CNNM2: variants seen among roughly 807,000 people sequenced by gnomAD.
CNNM2 encodes the protein metal transporter CNNM2.
A neutral mutation model predicts 66.9 loss-of-function variants in CNNM2; 12 were observed. That is an observed-to-expected ratio of 0.18 (90% CI 0.11 to 0.29). The LOEUF is 0.29. Ranked by LOEUF, CNNM2 falls within the 10% of genes least tolerant of loss-of-function variation. CNNM2 has a pLI of 1.00. For missense variants in CNNM2, 705 were observed against 1,167.7 expected, an observed-to-expected ratio of 0.60 and a Z score of 5.77; for synonymous variants, 557 against 501.8, an observed-to-expected ratio of 1.11 and a Z score of -1.47.
chr10:102,919,688 A>T lies in CNNM2; in HGVS notation c.1208A>T (p.Gln403Leu). ...VSKLLDCVLG[Q>L]EIGTVYNREK... ...AAGCTGCTGGACTGCGTCCTGGGCC[A>T]GGAGATAGGCACCGTCTATAACCGG... The change falls in exon 1 of 8, where the codon CAG becomes CTG. Residue 403 changes from glutamine to leucine, a missense_variant. Gln to Leu is a moderately radical substitution (Grantham distance 113). Transcript: ENST00000369878. 1 of 1,614,218 alleles carries T rather than the reference A, an allele frequency of 6.2e-7. No individual in the cohort carries two copies. Among genetic ancestry groups the T allele is most frequent in the Non-Finnish European group, 8.5e-7 (1 of 1,180,018 alleles).
chr10:103,068,359 CTG>C (rs2065516180), intron 4 of CNNM2: 2 of 361,240 alleles, frequency 5.5e-6, no homozygotes, highest in Non-Finnish European at 1.0e-5. Flanking sequence ...ACAAAGAAAA[CTG>C]TATTTTAAGT....
chr10:102,929,964 A>T (rs1348216025), intron 1 of CNNM2, among the ~76,000 whole-genome samples: 1 of 152,238 alleles, frequency 6.6e-6, no homozygotes, highest in Admixed American at 6.5e-5. Flanking sequence ...GTGTAAATTT[A>T]TAATGATTTT....
intron 1 of CNNM2, among the ~76,000 whole-genome samples, chr10:103,041,539 C>T (rs2065040858): frequency 6.6e-6 from 1 of 151,996 alleles, no homozygotes; most frequent in African/African-American, 2.4e-5. Flanking sequence ...CAGTTCGGGC[C>T]TCCGTGTTAG....
chr10:103,014,940 A>G (rs1474387463), intron 1 of CNNM2, among the ~76,000 whole-genome samples: 1 of 152,150 alleles, frequency 6.6e-6, no homozygotes, highest in Non-Finnish European at 1.5e-5. Context: ...TAAACATTTC[A>G]AAACATGCTT....
rs2065838317 is a variant in CNNM2, at chr10:103,087,448, C to A, written c.*10268C>A. 6.6e-6 allele frequency: 1 copy of A among 152,014 alleles called. No individual in the cohort carries two copies. The highest frequency in any genetic ancestry group is 2.1e-4 in the South Asian group (1 of 4,824). 9.4% of individuals were successfully genotyped at this position (152,014 alleles called of 1,614,324 possible). A position where few individuals can be genotyped will look rare whatever the true frequency, so the allele number is the denominator to read the frequency against. ...ATTCCAGCTGTGTGCTTTTCACTTT[C>A]CGATCTTTGGACCCAGAGAATCATT... On this transcript the variant is annotated 3_prime_UTR_variant, in exon 8 of 8. Transcript: ENST00000369878.
chr10:103,028,814 C>CTTTTTTTTTTTTTCTTTTT (rs1227799282), intron 1 of CNNM2, among the ~76,000 whole-genome samples: 2 of 126,182 alleles, frequency 1.6e-5, no homozygotes, highest in African/African-American at 6.0e-5. Context: ...TTTTCTTTTT[C>CTTTTTTTTTTTTTCTTTTT]TTTTTTTTTT....
intron 1 of CNNM2, among the ~76,000 whole-genome samples, chr10:103,031,682 G>T (rs2064822627): frequency 1.3e-5 from 2 of 152,206 alleles, no homozygotes; most frequent in Non-Finnish European, 2.9e-5. Flanking sequence ...GTCCCAGGAA[G>T]CAGGAGTTCA....
In CNNM2 at chr10:102,919,638, C is replaced by A; in HGVS notation, c.1158C>A (p.Thr386=). The A allele has an allele frequency of 6.2e-7, 1 of 1,614,082 alleles. No homozygotes were observed. The highest frequency in any genetic ancestry group is 8.5e-7 in the Non-Finnish European group (1 of 1,180,036). ...TCACCAAGTTTTTCATGATGATGAC[C>A]TTCCCCGCTTCCTACCCGGTCAGCA... ...IFLTKFFMMM[T]FPASYPVSKL... is the part of the protein sequence containing the mutation. Residue 386 remains threonine (T), a synonymous_variant, in exon 1 of 8, where the codon ACC becomes ACA. Coordinates refer to ENST00000369878, the MANE Select transcript of CNNM2 (RefSeq NM_017649.5).
At chr10:103,006,290 T>A (rs1236551538) in intron 1 of CNNM2, among the ~76,000 whole-genome samples, 1 of 151,722 alleles carries the variant, frequency 6.6e-6, no homozygotes, top group Admixed American at 6.6e-5. Context: ...CACTGCAACC[T>A]CTGCCTTGGG....
At chr10:102,922,782 A>C (rs1845698910) in intron 1 of CNNM2, among the ~76,000 whole-genome samples, 1 of 152,084 alleles carries the variant, frequency 6.6e-6, no homozygotes, top group African/African-American at 2.4e-5. Flanking sequence ...GCCTACAAAA[A>C]ATACAAAAAT....
chr10:102,962,981 T>TA (rs2063407338), intron 1 of CNNM2, among the ~76,000 whole-genome samples: 1 of 152,150 alleles, frequency 6.6e-6, no homozygotes, highest in Non-Finnish European at 1.5e-5. Context: ...GAAAAACTAT[T>TA]ACTAGGAGCC....
intron 1 of CNNM2, among the ~76,000 whole-genome samples, chr10:103,009,214 G>A (rs1359874735): frequency 3.3e-5 from 5 of 152,104 alleles, no homozygotes; most frequent in African/African-American, 1.2e-4. Flanking sequence ...GGCGGAGGTT[G>A]TGCTGGGCCA....
chr10:103,020,876 A>G lies in CNNM2; in HGVS notation c.1622-28831A>G, dbSNP rs1038096959. 5.3e-5 allele frequency among the ~76,000 whole-genome samples: 8 copies of G among 152,178 alleles called. No individual in the cohort carries two copies. The East Asian group carries it at 1.5e-3, about 29-fold the overall frequency. ...GTACTAACAGGAGGGATCTGTAAAG[A>G]TATAGGTATTGGCTGGAGAGGGGAT... On this transcript the variant is annotated intron_variant, in intron 1 of 7. Transcript: ENST00000369878.
At chr10:103,037,348 G>C (rs188665237) in intron 1 of CNNM2, among the ~76,000 whole-genome samples, 2 of 151,374 alleles carry the variant, frequency 1.3e-5, no homozygotes, top group East Asian at 3.9e-4. Flanking sequence ...ACTCACTTTT[G>C]GGCTCAATCA....
intron 1 of CNNM2, among the ~76,000 whole-genome samples, chr10:102,984,956 T>C (rs1456691095): frequency 6.6e-6 from 1 of 152,170 alleles, no homozygotes; most frequent in Non-Finnish European, 1.5e-5. Context: ...TTTACTCTTA[T>C]TTTAAATGTC....
At position 102,921,718 on chromosome 10, in the gene CNNM2, A is replaced by G. The variant is rs143106115; in HGVS notation, c.1621+1617A>G. Reference sequence around the variant, plus strand: ...ATTGGGATGTTTGGAAATGCCCCTGAAAGTCTTTCTATTGCTAAATTTCCC... The same window carrying G: ...ATTGGGATGTTTGGAAATGCCCCTGGAAGTCTTTCTATTGCTAAATTTCCC... On this transcript the variant is annotated intron_variant, in intron 1 of 7. Coordinates refer to ENST00000369878, the MANE Select transcript of CNNM2 (RefSeq NM_017649.5). Among the ~76,000 whole-genome samples the G allele has an allele frequency of 2.2e-3, 332 of 152,296 alleles. 3 individuals carry two copies. Among genetic ancestry groups the G allele is most frequent in the Non-Finnish European group, 3.6e-3 (245 of 68,018 alleles).
chr10:103,073,389 C>G (rs796327906), intron 6 of CNNM2, among the ~76,000 whole-genome samples: 11 of 152,296 alleles, frequency 7.2e-5, no homozygotes, highest in African/African-American at 2.6e-4. Context: ...CACACAAACA[C>G]TGTTTCAAAA....
In CNNM2 at chr10:102,969,898, C is replaced by T. The variant is rs2063524082; in HGVS notation, c.1621+49797C>T. On this transcript the variant is annotated intron_variant, in intron 1 of 7. Transcript: ENST00000369878. The stretch of plus-strand genomic sequence containing the variant: ...CCTCAGGTGATCCGCCCACCTCGGC[C>T]TCCCAAAGTGCTGGGATTACAGGTA... Among the ~76,000 whole-genome samples, 1 of 152,174 alleles carries T rather than the reference C, an allele frequency of 6.6e-6. No individual in the cohort carries two copies. The highest frequency in any genetic ancestry group is 1.5e-5 in the Non-Finnish European group (1 of 68,036).
Position 102,954,944 on chromosome 10 carries a change from C to T in CNNM2, c.1621+34843C>T, listed in dbSNP as rs569890538. Among the ~76,000 whole-genome samples the T allele has an allele frequency of 5.9e-5, 9 of 152,204 alleles. No homozygotes were observed. In the East Asian group the frequency reaches 9.7e-4, roughly 16 times the overall value. ...GGAAGAATCAATATCGTGAAAATGG[C>T]GATACTGCCCAAGGTAATTTATAGA... is the stretch of plus-strand genomic sequence containing the variant. On this transcript the variant is annotated intron_variant, in intron 1 of 7. Coordinates refer to ENST00000369878, the MANE Select transcript of CNNM2 (RefSeq NM_017649.5).
Sources: allele counts gnomAD v4.1 joint callset (sites outside exome capture counted in the v4.1 genomes callset), GRCh38; gene constraint gnomAD v4.1.1; transcripts MANE v1.5; gene names NCBI Gene and HGNC (gene_info 2026-07-23, HGNC 2026-07-21).